Variants in ZNF75D observed in about 807,000 individuals in gnomAD.
ZNF75D encodes the protein zinc finger protein 75.
ZNF75D carries 33 observed loss-of-function variants against 33.3 expected under a neutral mutation model. The observed-to-expected ratio is 0.99, with a 90% CI of 0.75 to 1.32. The LOEUF (loss-of-function observed/expected upper bound fraction) is 1.32, where lower values mean the gene tolerates loss of function less well. Ranked by LOEUF, ZNF75D falls within the 40% of genes most tolerant of loss-of-function variation. The pLI, the probability that ZNF75D is intolerant of heterozygous loss-of-function variation, is 0.00. For synonymous variants in ZNF75D, 113 were observed against 130.6 expected (o/e 0.87, Z 0.92); for missense variants, 338 against 367.5 (o/e 0.92, Z 0.66).
downstream of ZNF75D, among the ~76,000 whole-genome samples, chrX:135,280,862 T>A: frequency 8.9e-6 from 1 of 112,396 alleles, no homozygotes; most frequent in Non-Finnish European, 1.9e-5. Context: ...GATCCGCTGT[T>A]AGTCTGATGG....
chrX:135,274,980 G>A (rs782556453), intron 1 of ZNF75D, among the ~76,000 whole-genome samples: 1 of 111,903 alleles, frequency 8.9e-6, no homozygotes, highest in Non-Finnish European at 1.9e-5. Flanking sequence ...GTGCCAGAAA[G>A]TGTTGTGCTA....
rs781869093 is a variant in ZNF75D, at chrX:135,288,612, C to T, written c.824-766G>A. On this transcript the variant is annotated intron_variant, in intron 6 of 6. Coordinates refer to ENST00000370766, the MANE Select transcript of ZNF75D (RefSeq NM_007131.5). ...AATAAAAGGAAATGTATTTAAGTATCGAGATGTTCAAAGGAAAGAGTAAAA... is the reference window on the plus strand; with the variant it reads ...AATAAAAGGAAATGTATTTAAGTATTGAGATGTTCAAAGGAAAGAGTAAAA... Among the ~76,000 whole-genome samples, 15 of 112,256 alleles carry T rather than the reference C, an allele frequency of 1.3e-4. 1 individual carries two copies. The East Asian group carries it at 1.7e-3, about 13-fold the overall frequency.
intron 1 of ZNF75D, among the ~76,000 whole-genome samples, chrX:135,335,208 T>A (rs62599928): frequency 0.02 from 2,233 of 110,784 alleles, 27 homozygotes; most frequent in Non-Finnish European, 0.03. Context: ...TGAGAGGAGG[T>A]AGACTGGGAG....
At chrX:135,335,738 A>C (rs1159612635) in intron 1 of ZNF75D, among the ~76,000 whole-genome samples, 3 of 111,843 alleles carry the variant, frequency 2.7e-5, no homozygotes, top group African/African-American at 9.8e-5. Flanking sequence ...GTATGGATAA[A>C]CCAGTACTTC....
In ZNF75D at chrX:135,341,902, C is replaced by T. The variant is rs2084789503; in HGVS notation, c.-525G>A. ...ATTTCTTGAGCAAATTAACATATCC[C>T]CTGGAACCTAGTATGTACCTCTTGA... is the stretch of plus-strand genomic sequence containing the variant. On this transcript the variant is annotated 5_prime_UTR_variant, in exon 1 of 7. Coordinates refer to ENST00000370766, the MANE Select transcript of ZNF75D (RefSeq NM_007131.5). 1 of 112,009 alleles carries T rather than the reference C, an allele frequency of 8.9e-6. No homozygotes were observed. Among genetic ancestry groups the T allele is most frequent in the Non-Finnish European group, 1.9e-5 (1 of 53,199 alleles). The allele number at this position is 112,009 out of a possible 1,213,427, so 9.2% of individuals were successfully genotyped here.
chrX:135,315,269 T>C (rs782545041), intron 1 of ZNF75D, among the ~76,000 whole-genome samples: 1 of 112,476 alleles, frequency 8.9e-6, no homozygotes, highest in East Asian at 2.8e-4. Flanking sequence ...TTAATATTGA[T>C]TTCTAGTTTT....
At chrX:135,266,466 C>T (rs2083863416) in intron 1 of ZNF75D, among the ~76,000 whole-genome samples, 1 of 111,338 alleles carries the variant, frequency 9.0e-6, no homozygotes, top group Non-Finnish European at 1.9e-5. Context: ...CCAAAAAGAA[C>T]AAGAGTAGCC....
Position 135,294,209 on chromosome X carries a change from AG to A in ZNF75D, c.-70del. 2 of 945,027 alleles carry A rather than the reference AG, an allele frequency of 2.1e-6. No individual in the cohort carries two copies. Among genetic ancestry groups the A allele is most frequent in the Non-Finnish European group, 2.9e-6 (2 of 685,123 alleles). The allele number at this position is 945,027 out of a possible 1,213,427, so 77.9% of individuals were successfully genotyped here. On this transcript the variant is annotated 5_prime_UTR_variant, in exon 3 of 7. It removes the in-frame stop codon of an upstream open reading frame in the 5' UTR. Coordinates refer to ENST00000370766, the MANE Select transcript of ZNF75D (RefSeq NM_007131.5). ...CACCTGGTACCACCTTTGACAAATCAGGGTGCATCAGGTTGGTACCAAATCA... is the reference window on the plus strand; with the variant it reads ...CACCTGGTACCACCTTTGACAAATCAGGTGCATCAGGTTGGTACCAAATCA...
chrX:135,258,244 T>C (rs931601288), intron 1 of ZNF75D, among the ~76,000 whole-genome samples: 5 of 106,822 alleles, frequency 4.7e-5, no homozygotes, highest in Admixed American at 1.0e-4. Context: ...TGAATAGTGC[T>C]GCAATAAACA....
At chrX:135,317,826 T>C (rs1027141024) in intron 1 of ZNF75D, among the ~76,000 whole-genome samples, 20 of 111,168 alleles carry the variant, frequency 1.8e-4, no homozygotes, top group African/African-American at 6.5e-4. Context: ...CTTGGGCCTC[T>C]TGATGATATG....
chrX:135,284,834 C>T (rs1240177126), downstream of ZNF75D, among the ~76,000 whole-genome samples: 1 of 111,750 alleles, frequency 8.9e-6, no homozygotes, highest in Non-Finnish European at 1.9e-5. Flanking sequence ...GGGGACTTTG[C>T]TGATTCTCAT....
downstream of ZNF75D, among the ~76,000 whole-genome samples, chrX:135,282,152 A>C (rs1214606860): frequency 8.9e-6 from 1 of 112,216 alleles, no homozygotes; most frequent in Non-Finnish European, 1.9e-5. Context: ...TAAGCCCCTG[A>C]CTGGGGCTGC....
intron 1 of ZNF75D, among the ~76,000 whole-genome samples, chrX:135,337,147 G>A (rs782098878): frequency 8.9e-6 from 1 of 111,925 alleles, no homozygotes; most frequent in South Asian, 3.7e-4. Context: ...CTTTTTTCTT[G>A]CTATCTAAAC....
chrX:135,298,057 C>A (rs918232052), intron 1 of ZNF75D: 1 of 111,376 alleles, frequency 9.0e-6, no homozygotes, highest in Admixed American at 9.6e-5. Flanking sequence ...CCCATCTAAA[C>A]CTGATTACCT....
At chrX:135,284,346 A>G (rs1162308684), downstream of ZNF75D, among the ~76,000 whole-genome samples, 1 of 111,563 alleles carries the variant, frequency 9.0e-6, no homozygotes, top group Admixed American at 9.5e-5. Context: ...CTTACTTCCC[A>G]TATCTCCATG....
Position 135,324,102 on chromosome X carries a change from G to A in ZNF75D, c.-391+17666C>T, listed in dbSNP as rs187092919. Among the ~76,000 whole-genome samples, 275 of 111,069 alleles carry A rather than the reference G, an allele frequency of 2.5e-3. 2 individuals carry two copies. Among genetic ancestry groups the A allele is most frequent in the Admixed American group, 0.021 (214 of 10,432 alleles). On this transcript the variant is annotated intron_variant, in intron 1 of 6. Coordinates refer to ENST00000370766, the MANE Select transcript of ZNF75D (RefSeq NM_007131.5). ...CTGGGGAGAGGAGGGCAGGCAACCC[G>A]AGGCACTGATTAAAATCCGTCACAG...
chrX:135,293,006 A>G (rs1011407887), intron 3 of ZNF75D, among the ~76,000 whole-genome samples: 3 of 111,866 alleles, frequency 2.7e-5, no homozygotes, highest in Non-Finnish European at 3.8e-5. Flanking sequence ...ATTTGGTAGT[A>G]ATAAGACACC....
chrX:135,293,069 T>C (rs1414429717), intron 3 of ZNF75D, among the ~76,000 whole-genome samples: 1 of 111,009 alleles, frequency 9.0e-6, no homozygotes, highest in African/African-American at 3.3e-5. Flanking sequence ...AAAAAGAAAG[T>C]GTGCTGCCAT....
At chrX:135,302,647 G>A (rs185834278) in intron 1 of ZNF75D, among the ~76,000 whole-genome samples, 5 of 112,072 alleles carry the variant, frequency 4.5e-5, no homozygotes, top group Non-Finnish European at 9.4e-5. Context: ...AACAGTAACC[G>A]TAGTCAGTCG....
Sources: gnomAD v4.1 joint callset for allele counts (sites outside exome capture counted in the v4.1 genomes callset) on GRCh38, gnomAD v4.1.1 for gene constraint, MANE v1.5 for transcripts, NCBI Gene and HGNC (gene_info 2026-07-23, HGNC 2026-07-21) for gene names.